Variants in ZNF503 observed in about 807,000 individuals in gnomAD.
ZNF503 encodes zinc finger protein 503.
ZNF503 carries 15 observed loss-of-function variants against 34.4 expected under a neutral mutation model. That is an observed-to-expected ratio of 0.44 (90% CI 0.29 to 0.67). ZNF503 has a LOEUF of 0.67. Among genes scored for constraint, ZNF503 ranks in the 30% least tolerant of loss-of-function variants. The pLI is 0.13. For missense variants in ZNF503, 1,007 were observed against 926.8 expected (o/e 1.09, Z -1.12); for synonymous variants, 580 against 456.8 (o/e 1.27, Z -3.44).
At chr10:75,285,204 A>G in the ZNF503 span, among the ~76,000 whole-genome samples, 5 of 152,188 alleles carry the variant, frequency 3.3e-5, no homozygotes, top group Non-Finnish European at 7.3e-5. Context: ...AATTCTCACA[A>G]CCACTACAGA....
chr10:75,284,363 A>G, the ZNF503 span, among the ~76,000 whole-genome samples: 28 of 119,178 alleles, frequency 2.3e-4, 2 homozygotes, highest in African/African-American at 9.0e-4. Context: ...CAGAAGAGGG[A>G]GCAGCAGGCG....
chr10:75,401,491 G>C lies in ZNF503; in HGVS notation c.-72C>G. Reference sequence around the variant, plus strand: ...GCGCGGGGCGGGCTCGGGGCTGCGCGCTCGCCCCGGGAGCAGGAGCAGCGG... The same window carrying C: ...GCGCGGGGCGGGCTCGGGGCTGCGCCCTCGCCCCGGGAGCAGGAGCAGCGG... On this transcript the variant is annotated 5_prime_UTR_variant, in exon 1 of 2. Transcript: ENST00000372524. 1.4e-6 allele frequency: 2 copies of C among 1,462,832 alleles called. No individual in the cohort carries two copies. The highest frequency in any genetic ancestry group is 1.8e-6 in the Non-Finnish European group (2 of 1,110,746). 90.6% of individuals were successfully genotyped at this position (1,462,832 alleles called of 1,614,324 possible).
chr10:75,367,216 C>A, the ZNF503 span, among the ~76,000 whole-genome samples: 1,761 of 152,158 alleles, frequency 0.012, 11 homozygotes, highest in Non-Finnish European at 0.02. Context: ...TGTCTCTCTA[C>A]CCCCCACCCA....
the ZNF503 span, among the ~76,000 whole-genome samples, chr10:75,369,125 T>C: frequency 6.6e-6 from 1 of 152,184 alleles, no homozygotes; most frequent in African/African-American, 2.4e-5. Flanking sequence ...AAACAGTGGG[T>C]ATAGTATGAT....
rs976544550 is a variant in ZNF503 at position 75,401,374 on chromosome 10, T to C, written c.46A>G (p.Ser16Gly). ...SLSALRSSKH[S>G]GGGGGGGGGG... ...CCGCCTCCGCCGCCGCCGCCGCCGC[T>C]GTGCTTACTGCTTCTTAGGGCAGAA... Residue 16 changes from serine (S) to glycine (G), a missense_variant, in exon 1 of 2, where the codon AGC (serine) becomes GGC (glycine). Coordinates refer to ENST00000372524, the MANE Select transcript of ZNF503 (RefSeq NM_032772.6). 6.3e-5 allele frequency: 96 copies of C among 1,527,794 alleles called. No homozygotes were observed. The highest frequency in any genetic ancestry group is 1.2e-4 in the East Asian group (5 of 40,798). The allele number at this position is 1,527,794 out of a possible 1,614,324, so 94.6% of individuals were successfully genotyped here.
the ZNF503 span, among the ~76,000 whole-genome samples, chr10:75,364,236 T>G: frequency 6.6e-6 from 1 of 152,200 alleles, no homozygotes; most frequent in South Asian, 2.1e-4. Context: ...GTGGGTCTGA[T>G]GGACTGGGTG....
downstream of ZNF503, among the ~76,000 whole-genome samples, chr10:75,395,898 C>A (rs1451547627): frequency 6.6e-6 from 1 of 152,228 alleles, no homozygotes; most frequent in Non-Finnish European, 1.5e-5. The surrounding 1 kb of genome is among the most constrained non-coding windows in gnomAD (Gnocchi z 4.4). Context: ...CCTGCTGGTC[C>A]CAAGCCTGAA....
At chr10:75,287,149 C>T in the ZNF503 span, among the ~76,000 whole-genome samples, 1 of 152,118 alleles carries the variant, frequency 6.6e-6, no homozygotes, top group East Asian at 1.9e-4. Context: ...TCTGCATGGT[C>T]AGCTTCTGAT....
At chr10:75,282,725 A>G in the ZNF503 span, among the ~76,000 whole-genome samples, 2 of 152,236 alleles carry the variant, frequency 1.3e-5, no homozygotes, top group Admixed American at 6.5e-5. Flanking sequence ...CATGAATCCT[A>G]GTTTGGGCTC....
Position 75,399,893 on chromosome 10 carries a change from C to T in ZNF503, c.797G>A (p.Gly266Asp), listed in dbSNP as rs764904586. 1.1e-5 allele frequency: 18 copies of T among 1,602,238 alleles called. No individual in the cohort carries two copies. Among genetic ancestry groups the T allele is most frequent in the Non-Finnish European group, 1.4e-5 (17 of 1,176,518 alleles). The change falls in exon 2 of 2, where the codon GGC becomes GAC. Residue 266 changes from glycine (G) to aspartate (D), a missense_variant. Gly to Asp is a moderately conservative substitution (Grantham distance 94). Coordinates refer to ENST00000372524, the MANE Select transcript of ZNF503 (RefSeq NM_032772.6). ...CCCTTCGGCCGAGGCGCCCCCGGTG[C>T]CCTTGCCACCGCCGCCCACGTCGGT... ...KDTDVGGGGKGTGGASAEGGP... is the reference protein window; with the variant it reads ...KDTDVGGGGKDTGGASAEGGP...
At chr10:75,390,400 CTCCTCT>C in the ZNF503 span, among the ~76,000 whole-genome samples, 1 of 150,560 alleles carries the variant, frequency 6.6e-6, no homozygotes, top group African/African-American at 2.5e-5. Flanking sequence ...CCTCCCCCTC[CTCCTCT>C]TCCTTTTTCT....
chr10:75,326,966 G>C, the ZNF503 span, among the ~76,000 whole-genome samples: 1 of 152,140 alleles, frequency 6.6e-6, no homozygotes, highest in Non-Finnish European at 1.5e-5. Context: ...TTACAGGCAT[G>C]AGCCACCACA....
At chr10:75,286,989 C>T in the ZNF503 span, among the ~76,000 whole-genome samples, 1 of 152,160 alleles carries the variant, frequency 6.6e-6, no homozygotes, top group Non-Finnish European at 1.5e-5. Flanking sequence ...GTCTCATGTG[C>T]CCTGATGTGG....
chr10:75,378,377 C>T, the ZNF503 span, among the ~76,000 whole-genome samples: 5 of 152,318 alleles, frequency 3.3e-5, no homozygotes, highest in East Asian at 9.7e-4. Flanking sequence ...TATCTGCTCC[C>T]CACCAAGCAC....
the ZNF503 span, among the ~76,000 whole-genome samples, chr10:75,330,035 C>G: frequency 6.6e-6 from 1 of 152,112 alleles, no homozygotes; most frequent in African/African-American, 2.4e-5. Context: ...TCCTTCTATA[C>G]CTAACTTATT....
At chr10:75,350,169 GC>G in the ZNF503 span, among the ~76,000 whole-genome samples, 1 of 152,218 alleles carries the variant, frequency 6.6e-6, no homozygotes, top group African/African-American at 2.4e-5. Context: ...GAGGAATGGG[GC>G]TGGGAGCCTG....
chr10:75,306,306 T>C, the ZNF503 span, among the ~76,000 whole-genome samples: 1 of 152,184 alleles, frequency 6.6e-6, no homozygotes, highest in African/African-American at 2.4e-5. Context: ...ATGTTGAGTG[T>C]CATTTCATAT....
At chr10:75,289,717 C>T in the ZNF503 span, among the ~76,000 whole-genome samples, 1 of 152,102 alleles carries the variant, frequency 6.6e-6, no homozygotes, top group Non-Finnish European at 1.5e-5. Context: ...TCCCAAGTAG[C>T]TGGGACTGCA....
At chr10:75,375,793 A>C in the ZNF503 span, among the ~76,000 whole-genome samples, 1 of 152,246 alleles carries the variant, frequency 6.6e-6, no homozygotes, top group Non-Finnish European at 1.5e-5. Flanking sequence ...CTGGGATTAC[A>C]TACATGAGCC....
Sources: allele counts gnomAD v4.1 joint callset (sites outside exome capture counted in the v4.1 genomes callset), GRCh38; gene constraint gnomAD v4.1.1; non-coding constraint Gnocchi (gnomAD v3.1); transcripts MANE v1.5; gene names NCBI Gene and HGNC (gene_info 2026-07-23, HGNC 2026-07-21).